Variants in DPP6 observed in about 807,000 individuals in gnomAD.
The protein encoded by DPP6 is dipeptidyl peptidase like 6.
In DPP6, 69 loss-of-function variants were observed where a neutral mutation model predicts 122.6. That is an observed-to-expected ratio of 0.56 (90% CI 0.46 to 0.69). The LOEUF (loss-of-function observed/expected upper bound fraction) is 0.69. DPP6 is among the 30% of genes least tolerant of loss of function. The pLI, the probability that DPP6 is intolerant of heterozygous loss-of-function variation, is 0.00. For missense variants in DPP6, 928 were observed against 1,116.9 expected (o/e 0.83, Z 2.41); for synonymous variants, 418 against 433.1 (o/e 0.97, Z 0.43).
intron 2 of DPP6, among the ~76,000 whole-genome samples, chr7:154,449,304 C>G (rs767496974): frequency 6.6e-6 from 1 of 151,674 alleles, no homozygotes; most frequent in South Asian, 2.1e-4. Flanking sequence ...AGACAAATGG[C>G]CAAAAAGCAT....
chr7:154,860,084 A>G lies in DPP6; in HGVS notation c.1714+6257A>G, dbSNP rs112095249. ...TCATTTGGGTCTTTGTAAGAAAGCA[A>G]AAACAGCCCCTACCACCAGTGGTGC... is the stretch of plus-strand genomic sequence containing the variant. On this transcript the variant is annotated intron_variant, in intron 17 of 25. Coordinates refer to ENST00000377770, the MANE Select transcript of DPP6 (RefSeq NM_130797.4). Among the ~76,000 whole-genome samples the G allele has an allele frequency of 1.8e-3, 278 of 152,324 alleles. 1 individual carries two copies. Among genetic ancestry groups the G allele is most frequent in the Admixed American group, 4.4e-3 (68 of 15,304 alleles).
intron 16 of DPP6, among the ~76,000 whole-genome samples, chr7:154,841,704 G>A (rs537456675): frequency 6.6e-6 from 1 of 151,624 alleles, no homozygotes; most frequent in Non-Finnish European, 1.5e-5. Flanking sequence ...AAAAGTCAAC[G>A]TGCCATTGCC....
Position 154,515,629 on chromosome 7 carries a change from C to G in DPP6, c.458-24903C>G, listed in dbSNP as rs115531766. On this transcript the variant is annotated intron_variant, in intron 3 of 25. Transcript: ENST00000377770. ...TAGCTGGGACTACAGGCACGTGCTA[C>G]CATGCTTGGCTAATTTTTTGTGTTT... Among the ~76,000 whole-genome samples the G allele has an allele frequency of 1.1e-3, 161 of 152,246 alleles. 1 individual carries two copies. Among genetic ancestry groups the G allele is most frequent in the African/African-American group, 3.8e-3 (156 of 41,534 alleles).
chr7:154,614,026 T>C (rs1349797671), intron 5 of DPP6, among the ~76,000 whole-genome samples: 1 of 152,184 alleles, frequency 6.6e-6, no homozygotes, highest in Non-Finnish European at 1.5e-5. Context: ...TGAGAGCCAC[T>C]CTCCAGCGGC....
chr7:154,408,006 C>T (rs530723401), intron 1 of DPP6, among the ~76,000 whole-genome samples: 7 of 152,278 alleles, frequency 4.6e-5, no homozygotes, highest in African/African-American at 9.6e-5. Context: ...TTAATAAAGT[C>T]CTTAAAACCA....
intron 1 of DPP6, among the ~76,000 whole-genome samples, chr7:154,027,713 G>A (rs1396212242): frequency 4.0e-5 from 6 of 151,714 alleles, no homozygotes; most frequent in Admixed American, 2.0e-4. Flanking sequence ...TTGATTTGCT[G>A]TCTTATTTGT....
intron 1 of DPP6, among the ~76,000 whole-genome samples, chr7:154,325,533 A>T (rs961725798): frequency 6.6e-6 from 1 of 152,206 alleles, no homozygotes; most frequent in African/African-American, 2.4e-5. Context: ...CGTTACCCTC[A>T]GAACCACAAA....
At chr7:154,523,403 T>C (rs1586535643) in intron 3 of DPP6, among the ~76,000 whole-genome samples, 4 of 152,282 alleles carry the variant, frequency 2.6e-5, no homozygotes, top group Admixed American at 2.6e-4. Flanking sequence ...TATACTCTCA[T>C]TTTCTTTCAT....
rs74918149 is a variant in DPP6 at position 154,323,042 on chromosome 7, G to C, written c.244-123172G>C. ...CAGAAGCTGGCCTGGTTGCAGAAGA[G>C]AGTGAGCTCATTAGCCCTGTTCAAA... On this transcript the variant is annotated intron_variant, in intron 1 of 25. Coordinates refer to ENST00000377770, the MANE Select transcript of DPP6 (RefSeq NM_130797.4). Among the ~76,000 whole-genome samples the C allele has an allele frequency of 3.5e-3, 534 of 151,790 alleles. 5 individuals carry two copies. Among genetic ancestry groups the C allele is most frequent in the African/African-American group, 0.012 (503 of 41,364 alleles).
At chr7:154,646,921 A>G (rs1836521329) in intron 6 of DPP6, among the ~76,000 whole-genome samples, 1 of 152,238 alleles carries the variant, frequency 6.6e-6, no homozygotes, top group South Asian at 2.1e-4. Flanking sequence ...TACTCTTTTC[A>G]GTGGAATCAT....
intron 1 of DPP6, among the ~76,000 whole-genome samples, chr7:154,190,186 T>C (rs1479991339): frequency 1.3e-5 from 2 of 152,226 alleles, no homozygotes; most frequent in African/African-American, 4.8e-5. Flanking sequence ...ACTGATATAC[T>C]AGGTGCATGA....
In DPP6 at chr7:154,892,593, TC is replaced by T. The variant is rs1585006020; in HGVS notation, c.*115del. On this transcript the variant is annotated 3_prime_UTR_variant, in exon 26 of 26. Transcript: ENST00000377770. ...GGCGGGGCGGGGCGGGGCCGGGTGT[TC>T]CATAGCATGTGTGTCTCGGATGCGG... 6.7e-7 allele frequency: 1 copy of T among 1,489,248 alleles called. No homozygotes were observed. Among genetic ancestry groups the T allele is most frequent in the South Asian group, 1.2e-5 (1 of 80,444 alleles). The allele number at this position is 1,489,248 out of a possible 1,614,324, so 92.3% of individuals were successfully genotyped here.
rs937915762 is a variant in DPP6 at position 154,433,337 on chromosome 7, T to G, written c.244-12877T>G. Among the ~76,000 whole-genome samples the G allele has an allele frequency of 1.1e-4, 16 of 150,288 alleles. 1 individual carries two copies. The highest frequency in any genetic ancestry group is 3.7e-4 in the African/African-American group (15 of 40,632). ...TGACTAATTTTTGCATTTTTTTTGT[T>G]TTTGTTTTTTTAGTAGAGATGGGGT... On this transcript the variant is annotated intron_variant, in intron 1 of 25. Coordinates refer to ENST00000377770, the MANE Select transcript of DPP6 (RefSeq NM_130797.4).
intron 1 of DPP6, among the ~76,000 whole-genome samples, chr7:154,037,354 C>T (rs1189641417): frequency 6.6e-6 from 1 of 151,878 alleles, no homozygotes; most frequent in Admixed American, 6.6e-5. Context: ...TTTCCCAGGA[C>T]CTCATGGCAG....
intron 2 of DPP6, among the ~76,000 whole-genome samples, chr7:154,469,467 T>G (rs1432504320): frequency 2.0e-5 from 3 of 152,198 alleles, no homozygotes; most frequent in Non-Finnish European, 2.9e-5. Flanking sequence ...TCTAGGGTTT[T>G]TGTGTATGGA....
intron 1 of DPP6, among the ~76,000 whole-genome samples, chr7:153,956,958 A>G (rs1802489380): frequency 6.6e-6 from 1 of 152,328 alleles, no homozygotes; most frequent in East Asian, 1.9e-4. Context: ...GTTAAAAAAA[A>G]TTCCGAAACC....
intron 6 of DPP6, among the ~76,000 whole-genome samples, chr7:154,668,197 T>TTATATATATATATATATATATATA (rs10668895): frequency 0.016 from 573 of 36,362 alleles, 70 homozygotes; most frequent in Non-Finnish European, 0.03. Flanking sequence ...TGTGTATATT[T>TTATATATATATATATATATATATA]TATATATATA....
intron 16 of DPP6, 79 bp from the exon 17 acceptor site, chr7:154,853,700 GA>G (rs1802587458): frequency 6.4e-7 from 1 of 1,556,606 alleles, no homozygotes; most frequent in African/African-American, 1.4e-5. Context: ...CGTGGCATAA[GA>G]AAAGCCTGTT....
intron 7 of DPP6, among the ~76,000 whole-genome samples, chr7:154,692,236 T>C (rs1184319070): frequency 1.3e-5 from 2 of 152,202 alleles, no homozygotes; most frequent in Admixed American, 6.5e-5. Flanking sequence ...TGGAAAAACA[T>C]GGACTTGTAG....
Sources: gnomAD v4.1 joint callset for allele counts (sites outside exome capture counted in the v4.1 genomes callset) on GRCh38, gnomAD v4.1.1 for gene constraint, MANE v1.5 for transcripts, NCBI Gene and HGNC (gene_info 2026-07-23, HGNC 2026-07-21) for gene names.